The following CLSTN2 variants were observed in gnomAD, a reference collection of about 807,000 sequenced individuals.
The protein encoded by CLSTN2 is calsyntenin-2.
Under a neutral mutation model 101.2 loss-of-function variants are expected in CLSTN2, and 48 were observed. That is an observed-to-expected ratio of 0.47 (90% CI 0.38 to 0.60). The LOEUF (loss-of-function observed/expected upper bound fraction) is 0.60. CLSTN2 is among the 20% of genes least tolerant of loss of function. CLSTN2 has a pLI of 0.00. For synonymous variants in CLSTN2, 481 were observed against 463.6 expected (o/e 1.04, Z -0.48); for missense variants, 1,160 against 1,238.2 (o/e 0.94, Z 0.95).
At chr3:140,427,201 ATATGTGTATATATATATATATATGTGTG>A (rs2088578247) in intron 5 of CLSTN2, among the ~76,000 whole-genome samples, 1 of 102,010 alleles carries the variant, frequency 9.8e-6, no homozygotes. Flanking sequence ...ATATATATAT[ATATGTGTATATATATATATATATGTGTG>A]TATATATATA....
intron 2 of CLSTN2, among the ~76,000 whole-genome samples, chr3:140,397,519 T>A (rs567790931): frequency 3.3e-5 from 5 of 152,336 alleles, no homozygotes; most frequent in African/African-American, 1.2e-4. Context: ...ACAATTTATT[T>A]CTCACAGTTC....
intron 1 of CLSTN2, among the ~76,000 whole-genome samples, chr3:139,978,132 G>A (rs1007857093): frequency 1.3e-5 from 2 of 152,128 alleles, no homozygotes; most frequent in East Asian, 3.9e-4. Flanking sequence ...GGAACCAGGA[G>A]CAGAAAAAAG....
chr3:140,277,473 G>C (rs1036000658), intron 2 of CLSTN2, among the ~76,000 whole-genome samples: 2 of 152,228 alleles, frequency 1.3e-5, no homozygotes, highest in African/African-American at 4.8e-5. Flanking sequence ...CTGCTCCAAA[G>C]AGAGGCTATT....
intron 6 of CLSTN2, chr3:140,452,337 A>G (rs774396360): frequency 2.0e-5 from 3 of 151,838 alleles, no homozygotes; most frequent in Non-Finnish European, 4.4e-5. Context: ...ATAAGCCTTC[A>G]CTCACATTCT....
At chr3:140,375,991 A>G (rs1415459687) in intron 2 of CLSTN2, among the ~76,000 whole-genome samples, 1 of 152,218 alleles carries the variant, frequency 6.6e-6, no homozygotes, top group Non-Finnish European at 1.5e-5. Context: ...AAAGAAGTGC[A>G]GTTTAGGATG....
chr3:139,941,291 T>A (rs2107806602), intron 1 of CLSTN2, among the ~76,000 whole-genome samples: 1 of 151,910 alleles, frequency 6.6e-6, no homozygotes, highest in Non-Finnish European at 1.5e-5. Flanking sequence ...GCTCTGAGAT[T>A]TGGGAAAGAA....
intron 2 of CLSTN2, among the ~76,000 whole-genome samples, chr3:140,260,370 G>A (rs2107882437): frequency 6.6e-6 from 1 of 151,920 alleles, no homozygotes; most frequent in South Asian, 2.1e-4. Context: ...CGCTCTTTAT[G>A]AGGTTGAGGA....
At chr3:140,095,312 T>A (rs534374802) in intron 1 of CLSTN2, among the ~76,000 whole-genome samples, 4 of 152,322 alleles carry the variant, frequency 2.6e-5, no homozygotes, top group Admixed American at 2.6e-4. Flanking sequence ...GGGAGGACAG[T>A]TTCTGAAAAG....
chr3:139,985,119 T>C (rs939905216), intron 1 of CLSTN2, among the ~76,000 whole-genome samples: 1 of 152,220 alleles, frequency 6.6e-6, no homozygotes, highest in African/African-American at 2.4e-5. Context: ...TCTCCTGCTC[T>C]GGTCTCCACA....
intron 1 of CLSTN2, among the ~76,000 whole-genome samples, chr3:139,951,923 G>C (rs1013915395): frequency 2.6e-5 from 4 of 152,190 alleles, no homozygotes; most frequent in Admixed American, 2.0e-4. Flanking sequence ...ATAATTTATA[G>C]AGGTGAGGGT....
intron 1 of CLSTN2, among the ~76,000 whole-genome samples, chr3:139,937,658 C>A (rs1459108337): frequency 6.6e-6 from 1 of 151,820 alleles, no homozygotes; most frequent in Non-Finnish European, 1.5e-5. Flanking sequence ...GCAGGAGAAT[C>A]ACTTGAACCC....
chr3:140,549,815 G>A (rs1212582019), intron 10 of CLSTN2, among the ~76,000 whole-genome samples: 1 of 150,416 alleles, frequency 6.6e-6, no homozygotes, highest in East Asian at 2.0e-4. Context: ...GAGAATTGAG[G>A]CCCTTTTGTG....
chr3:140,047,940 G>A (rs6769310), intron 1 of CLSTN2, among the ~76,000 whole-genome samples: 34,470 of 152,084 alleles, frequency 0.23, 4,046 homozygotes, highest in Middle Eastern at 0.3. Context: ...ATAGCAATAC[G>A]TTAACGCTAT....
intron 1 of CLSTN2, among the ~76,000 whole-genome samples, chr3:139,979,512 C>T (rs560879672): frequency 5.2e-4 from 79 of 152,264 alleles, no homozygotes; most frequent in African/African-American, 1.8e-3. Context: ...TGCTCGCCTA[C>T]ATGTCTCAGG....
chr3:140,092,025 G>A (rs971365669), intron 1 of CLSTN2, among the ~76,000 whole-genome samples: 9 of 152,120 alleles, frequency 5.9e-5, no homozygotes, highest in Admixed American at 3.3e-4. Flanking sequence ...CAGAGAGCAG[G>A]TCCTGGGATT....
At chr3:140,239,889 G>C (rs1235307022) in intron 2 of CLSTN2, among the ~76,000 whole-genome samples, 5 of 144,604 alleles carry the variant, frequency 3.5e-5, no homozygotes, top group Non-Finnish European at 7.5e-5. Flanking sequence ...ATACATATAT[G>C]TGTGTATACA....
intron 1 of CLSTN2, among the ~76,000 whole-genome samples, chr3:139,981,472 C>T (rs1187565073): frequency 6.6e-6 from 1 of 152,180 alleles, no homozygotes; most frequent in African/African-American, 2.4e-5. Flanking sequence ...TTCAAGATGG[C>T]TATGCCAAGT....
intron 1 of CLSTN2, among the ~76,000 whole-genome samples, chr3:140,039,524 C>T (rs1424095741): frequency 6.6e-6 from 1 of 152,194 alleles, no homozygotes; most frequent in African/African-American, 2.4e-5. Flanking sequence ...TATTTAAAAG[C>T]ATGAACTATT....
intron 8 of CLSTN2, among the ~76,000 whole-genome samples, chr3:140,477,606 G>T (rs1292171587): frequency 1.3e-5 from 2 of 152,148 alleles, no homozygotes; most frequent in African/African-American, 4.8e-5. Context: ...TTAACTCCAT[G>T]TTATAAATAC....
Sources: gnomAD v4.1 joint callset for allele counts (sites outside exome capture counted in the v4.1 genomes callset) on GRCh38, gnomAD v4.1.1 for gene constraint, MANE v1.5 for transcripts, NCBI Gene and HGNC (gene_info 2026-07-23, HGNC 2026-07-21) for gene names.